CSRNP3: variants seen among roughly 807,000 people sequenced by gnomAD.
CSRNP3 encodes the protein cysteine and serine rich nuclear protein 3.
CSRNP3 carries 12 observed loss-of-function variants against 48.0 expected under a neutral mutation model. The ratio of observed to expected loss-of-function variants is 0.25; its 90% confidence interval spans 0.16 to 0.41. The LOEUF is 0.41. CSRNP3 is among the 10% of genes least tolerant of loss of function. The pLI, the probability that CSRNP3 is intolerant of heterozygous loss-of-function variation, is 1.00. For missense variants in CSRNP3, 580 were observed against 724.4 expected (o/e 0.80, Z 2.29); for synonymous variants, 263 against 269.7 (o/e 0.98, Z 0.24).
intron 2 of CSRNP3, among the ~76,000 whole-genome samples, chr2:165,512,280 C>A (rs1470559946): frequency 2.6e-5 from 4 of 152,130 alleles, no homozygotes; most frequent in Non-Finnish European, 5.9e-5. Flanking sequence ...GCCAGTCTCA[C>A]CAATTTACAA....
At chr2:165,498,164 A>G (rs910784243) in intron 2 of CSRNP3, among the ~76,000 whole-genome samples, 29 of 152,060 alleles carry the variant, frequency 1.9e-4, no homozygotes, top group Non-Finnish European at 5.9e-5. Flanking sequence ...CTTACAGCAA[A>G]CATGTTGTTT....
intron 5 of CSRNP3, among the ~76,000 whole-genome samples, chr2:165,663,346 G>C (rs1687128094): frequency 6.6e-6 from 1 of 152,176 alleles, no homozygotes; most frequent in Non-Finnish European, 1.5e-5. Flanking sequence ...AGATTGTAGA[G>C]ATTATGCCAC....
In CSRNP3 at chr2:165,474,594, G is replaced by A. The variant is rs773324471; in HGVS notation, c.-283+4854G>A. Among the ~76,000 whole-genome samples, 27 of 152,118 alleles carry A rather than the reference G, an allele frequency of 1.8e-4. 1 individual carries two copies. Among genetic ancestry groups the A allele is most frequent in the African/African-American group, 5.3e-4 (22 of 41,416 alleles). ...ATTTTACCTATGACAAAATTAAGGC[G>A]CAGAGAGGACAATGATCATATTTAG... On this transcript the variant is annotated intron_variant, in intron 1 of 6. Transcript: ENST00000651982.
chr2:165,546,371 T>G (rs1685025873), intron 3 of CSRNP3, among the ~76,000 whole-genome samples: 1 of 152,024 alleles, frequency 6.6e-6, no homozygotes, highest in Non-Finnish European at 1.5e-5. Context: ...TTTTGTATTT[T>G]TAGTATAGAT....
At chr2:165,601,697 C>T (rs908193196) in intron 4 of CSRNP3, among the ~76,000 whole-genome samples, 1 of 152,102 alleles carries the variant, frequency 6.6e-6, no homozygotes, top group African/African-American at 2.4e-5. Flanking sequence ...TTCCCTCCCT[C>T]CCTTTTCTCT....
In CSRNP3 at chr2:165,680,099, T is replaced by G. The variant is rs1159150256; in HGVS notation, c.*346T>G. ...ATCGGGCCTGTGCAAGATTGTTAACTAAGGCTGGGAAATAATAAGATTTAG... is the reference window on the plus strand; with the variant it reads ...ATCGGGCCTGTGCAAGATTGTTAACGAAGGCTGGGAAATAATAAGATTTAG... On this transcript the variant is annotated 3_prime_UTR_variant, in exon 7 of 7. Coordinates refer to ENST00000651982, the MANE Select transcript of CSRNP3 (RefSeq NM_001172173.2). 1 of 204,824 alleles carries G rather than the reference T, an allele frequency of 4.9e-6. No individual in the cohort carries two copies. Among genetic ancestry groups the G allele is most frequent in the Admixed American group, 5.6e-5 (1 of 17,944 alleles). 12.7% of individuals were successfully genotyped at this position (204,824 alleles called of 1,614,324 possible).
chr2:165,530,642 T>C (rs16850850), intron 3 of CSRNP3, among the ~76,000 whole-genome samples: 35,401 of 151,964 alleles, frequency 0.23, 4,300 homozygotes, highest in East Asian at 0.34. Context: ...TTTAGGAGCC[T>C]CTCTAGGATT....
At chr2:165,637,448 C>T (rs376850963) in intron 4 of CSRNP3, among the ~76,000 whole-genome samples, 18 of 152,284 alleles carry the variant, frequency 1.2e-4, no homozygotes, top group Non-Finnish European at 1.5e-4. Flanking sequence ...TTTTCAGGCT[C>T]ACTATCATTG....
rs142275975 is a variant in CSRNP3 at position 165,659,723 on chromosome 2, A to G, written c.408+1703A>G. 5.5e-4 allele frequency among the ~76,000 whole-genome samples: 84 copies of G among 152,310 alleles called. No individual in the cohort carries two copies. In the East Asian group the frequency reaches 7.1e-3, roughly 13 times the overall value. ...TGACAACGAAAATCTTTCTTAGGTA[A>G]TCCAGCGTACTTAACATAAATGGTC... On this transcript the variant is annotated intron_variant, in intron 5 of 6. Transcript: ENST00000651982.
chr2:165,590,448 C>A (rs1472988822), intron 3 of CSRNP3, among the ~76,000 whole-genome samples: 1 of 152,140 alleles, frequency 6.6e-6, no homozygotes, highest in Non-Finnish European at 1.5e-5. Flanking sequence ...AACACATATA[C>A]AATAGTTACT....
At chr2:165,515,801 C>CTTTTTTTTTTTTTTTTTTTTTTTTT (rs532831528) in intron 2 of CSRNP3, among the ~76,000 whole-genome samples, 2 of 106,094 alleles carry the variant, frequency 1.9e-5, no homozygotes, top group Non-Finnish European at 3.7e-5. Flanking sequence ...CTTTTCCTTT[C>CTTTTTTTTTTTTTTTTTTTTTTTTT]TTTTTTTTTT....
chr2:165,673,155 T>TTTTTC (rs367832445), intron 5 of CSRNP3, among the ~76,000 whole-genome samples: 11 of 144,100 alleles, frequency 7.6e-5, no homozygotes, highest in African/African-American at 2.9e-4. Context: ...TTTTTTTTTT[T>TTTTTC]GAGACAGGGC....
intron 5 of CSRNP3, among the ~76,000 whole-genome samples, chr2:165,662,209 A>C (rs796592650): frequency 6.6e-6 from 1 of 152,246 alleles, no homozygotes; most frequent in African/African-American, 2.4e-5. Context: ...GTATGTTTTG[A>C]TCATAAAATT....
chr2:165,566,095 T>A (rs1181457872), intron 3 of CSRNP3, among the ~76,000 whole-genome samples: 4 of 151,934 alleles, frequency 2.6e-5, no homozygotes, highest in Admixed American at 6.6e-5. Flanking sequence ...TCTCCTGAGT[T>A]ATTTAATAAA....
chr2:165,675,022 T>C (rs1245279804), intron 5 of CSRNP3, among the ~76,000 whole-genome samples: 6 of 152,116 alleles, frequency 3.9e-5, no homozygotes, highest in African/African-American at 1.4e-4. Flanking sequence ...CTTTGTGATA[T>C]ATTTAGTATA....
At chr2:165,500,743 C>A (rs1306032818) in intron 2 of CSRNP3, among the ~76,000 whole-genome samples, 4 of 152,072 alleles carry the variant, frequency 2.6e-5, no homozygotes, top group African/African-American at 7.2e-5. Flanking sequence ...CAGGCGTGAA[C>A]CACCGTGCCT....
At chr2:165,666,202 A>G (rs1009616380) in intron 5 of CSRNP3, among the ~76,000 whole-genome samples, 4 of 144,856 alleles carry the variant, frequency 2.8e-5, no homozygotes, top group Non-Finnish European at 6.1e-5. Flanking sequence ...AAAGAGAGAG[A>G]GGAAGAAAGA....
intron 3 of CSRNP3, among the ~76,000 whole-genome samples, chr2:165,543,463 C>T (rs1412175048): frequency 6.6e-6 from 1 of 151,928 alleles, no homozygotes; most frequent in African/African-American, 2.4e-5. Context: ...ACCACATTTC[C>T]AATATTATTT....
chr2:165,566,220 CTTAGCA>C (rs1202080839), intron 3 of CSRNP3, among the ~76,000 whole-genome samples: 3 of 151,426 alleles, frequency 2.0e-5, no homozygotes, highest in African/African-American at 7.3e-5. Context: ...AAAAAAAAAT[CTTAGCA>C]TTTTCAGAGG....
Sources: allele counts gnomAD v4.1 joint callset (sites outside exome capture counted in the v4.1 genomes callset), GRCh38; gene constraint gnomAD v4.1.1; transcripts MANE v1.5; gene names NCBI Gene and HGNC (gene_info 2026-07-23, HGNC 2026-07-21).